The following PEG3 variants were observed in gnomAD, a reference collection of about 807,000 sequenced individuals.
PEG3 encodes paternally expressed 3.
In PEG3, 23 loss-of-function variants were observed where a neutral mutation model predicts 35.5. That is an observed-to-expected ratio of 0.65 (90% CI 0.47 to 0.92). The LOEUF (loss-of-function observed/expected upper bound fraction) is 0.92, where lower values mean the gene tolerates loss of function less well. Among genes scored for constraint, PEG3 ranks in the 40% least tolerant of loss-of-function variants. The pLI, the probability that PEG3 is intolerant of heterozygous loss-of-function variation, is 0.00. For missense variants in PEG3, 1,960 were observed against 1,985.3 expected (o/e 0.99, Z 0.24); for synonymous variants, 707 against 697.0 (o/e 1.01, Z -0.23).
In PEG3 at chr19:56,811,398, T is replaced by C; in HGVS notation, c.*2277A>G. On this transcript the variant is annotated 3_prime_UTR_variant, in exon 10 of 10. Coordinates refer to ENST00000326441, the MANE Select transcript of PEG3 (RefSeq NM_006210.3). ...GTATAAATATACTTTCGTGTCCTGC[T>C]TTCTCCACTTAATGTTCTGTAAATA... 1 of 877,168 alleles carries C rather than the reference T, an allele frequency of 1.1e-6. No homozygotes were observed. The highest frequency in any genetic ancestry group is 1.4e-6 in the Non-Finnish European group (1 of 731,128). 54.3% of individuals were successfully genotyped at this position (877,168 alleles called of 1,614,324 possible).
In PEG3 at chr19:56,816,427, A is replaced by C. The variant is rs749565842; in HGVS notation, c.2015T>G (p.Leu672Arg). 8.1e-6 allele frequency: 13 copies of C among 1,614,048 alleles called. No individual in the cohort carries two copies. Among genetic ancestry groups the C allele is most frequent in the Non-Finnish European group, 1.0e-5 (12 of 1,179,944 alleles). Residue 672 changes from leucine (L) to arginine (R), a missense_variant, in exon 10 of 10, where the codon CTT becomes CGT. This residue lies in a region of PEG3 where 798 missense variants were observed against 782.4 expected (regional missense o/e 1.02). Transcript: ENST00000326441. ...ATTGTAAGTTTTCTGACGCCTTTTA[A>C]GGGACTGACCAGGAATAAAGGTTTC... is the stretch of plus-strand genomic sequence containing the variant. ...CEETFIPGQSLKRRQKTYNKE... is the reference protein window; with the variant it reads ...CEETFIPGQSRKRRQKTYNKE...
intron 2 of PEG3, among the ~76,000 whole-genome samples, chr19:56,830,133 C>A (rs1178919868): frequency 6.6e-6 from 1 of 152,196 alleles, no homozygotes; most frequent in Non-Finnish European, 1.5e-5. Context: ...TGTATTTATA[C>A]CCTACCGCAA....
rs1476912465 is a variant in PEG3, at chr19:56,817,396, C to T, written c.1046G>A (p.Trp349Ter). 1 of 1,614,080 alleles carries T rather than the reference C, an allele frequency of 6.2e-7. No homozygotes were observed. Residue 349 changes from tryptophan (W) to a stop codon, truncating the protein, a stop_gained, in exon 10 of 10, where the codon TGG becomes TAG. Coordinates refer to ENST00000326441, the MANE Select transcript of PEG3 (RefSeq NM_006210.3). LOFTEE classifies it low-confidence loss of function (END_TRUNC). ...CCTCTTGTTCAATGAAATGTCCTTC[C>T]AGTTATCATCTGACATTCTGGGGAA... is the stretch of plus-strand genomic sequence containing the variant. Reference protein sequence around the residue: ...QRFPRMSDDNWKDISLNKRES... With the variant: ...QRFPRMSDDN
intron 7 of PEG3, 28 bp from the exon 8 acceptor site, chr19:56,818,730 T>C (rs2060206594): frequency 6.2e-7 from 1 of 1,603,918 alleles, no homozygotes; most frequent in Admixed American, 1.7e-5. Context: ...GACCTCTCAA[T>C]GGAGTCTGTC....
Position 56,813,610 on chromosome 19 carries a change from G to T in PEG3, c.*65C>A. 6.5e-7 allele frequency: 1 copy of T among 1,534,412 alleles called. No individual in the cohort carries two copies. The highest frequency in any genetic ancestry group is 8.8e-7 in the Non-Finnish European group (1 of 1,138,158). ...ACTGACATTATCATGGATTGGTTTGGATTCTCTGTGGTTTGGTAAGGGTCA... is the reference window on the plus strand; with the variant it reads ...ACTGACATTATCATGGATTGGTTTGTATTCTCTGTGGTTTGGTAAGGGTCA... On this transcript the variant is annotated 3_prime_UTR_variant, in exon 10 of 10. Coordinates refer to ENST00000326441, the MANE Select transcript of PEG3 (RefSeq NM_006210.3).
chr19:56,815,716 G>A lies in PEG3; in HGVS notation c.2726C>T (p.Pro909Leu), dbSNP rs2059918846. Residue 909 changes from proline to leucine, a missense_variant, in exon 10 of 10, where the codon CCT becomes CTT. Coordinates refer to ENST00000326441, the MANE Select transcript of PEG3 (RefSeq NM_006210.3). Reference sequence around the variant, plus strand: ...CTTAAACTCACCAGATCCCTCTCCAGGAACACTTTTCTGAGGTTTGGCACG... The same window carrying A: ...CTTAAACTCACCAGATCCCTCTCCAAGAACACTTTTCTGAGGTTTGGCACG... Reference protein sequence around the residue: ...VFRAKPQKSVPGEGSGEFKKD... With the variant: ...VFRAKPQKSVLGEGSGEFKKD... 1.2e-6 allele frequency: 2 copies of A among 1,614,016 alleles called. No homozygotes were observed. The highest frequency in any genetic ancestry group is 2.7e-5 in the African/African-American group (2 of 74,908).
chr19:56,811,962 C>T lies in PEG3; in HGVS notation c.*1713G>A. 3.0e-6 allele frequency: 3 copies of T among 985,394 alleles called. No individual in the cohort carries two copies. Among genetic ancestry groups the T allele is most frequent in the Non-Finnish European group, 3.6e-6 (3 of 829,924 alleles). 61.0% of individuals were successfully genotyped at this position (985,394 alleles called of 1,614,324 possible). A position where few individuals can be genotyped will look rare whatever the true frequency, so the allele number is the denominator to read the frequency against. ...TTTCTGCTTCTTGCTCTCAGCTCTA[C>T]AATCTTCCTAAACTTTGACACTCCC... is the stretch of plus-strand genomic sequence containing the variant. On this transcript the variant is annotated 3_prime_UTR_variant, in exon 10 of 10. Transcript: ENST00000326441.
At chr19:56,830,369 G>GT (rs1192286683) in intron 2 of PEG3, among the ~76,000 whole-genome samples, 1 of 152,212 alleles carries the variant, frequency 6.6e-6, no homozygotes, top group Non-Finnish European at 1.5e-5. Context: ...CCCACAAGCA[G>GT]TATTTCAAGT....
rs1424907083 is a variant in PEG3, at chr19:56,821,637, A to G, written c.669+14T>C. The G allele has an allele frequency of 6.2e-7, 1 of 1,612,588 alleles. No individual in the cohort carries two copies. ...AAGATGGCCTTTCTAGAAAGAGAGG[A>G]AACCTGAGCATACCTGAGATCGGGA... On this transcript the variant is annotated intron_variant, in intron 7 of 9. Coordinates refer to ENST00000326441, the MANE Select transcript of PEG3 (RefSeq NM_006210.3).
intron 2 of PEG3, among the ~76,000 whole-genome samples, chr19:56,832,053 G>A (rs950262608): frequency 3.9e-5 from 6 of 152,104 alleles, no homozygotes; most frequent in Non-Finnish European, 8.8e-5. Flanking sequence ...ACATAAACTT[G>A]TATTAAGACT....
intron 2 of PEG3, chr19:56,833,720 C>T (rs976008942): frequency 6.3e-6 from 1 of 158,732 alleles, no homozygotes; most frequent in African/African-American, 2.4e-5. Flanking sequence ...AGGAGCTGTT[C>T]TTTGAGAACC....
chr19:56,810,633 G>C lies in PEG3; in HGVS notation c.*3042C>G, dbSNP rs2048071243. 1.1e-6 allele frequency: 1 copy of C among 938,028 alleles called. No individual in the cohort carries two copies. Among genetic ancestry groups the C allele is most frequent in the African/African-American group, 1.8e-5 (1 of 56,342 alleles). 58.1% of individuals were successfully genotyped at this position (938,028 alleles called of 1,614,324 possible). ...TACCAAAACACCAAAGATTATTTAAGGAATTTGAGACAAAATATTTAACCA... is the reference window on the plus strand; with the variant it reads ...TACCAAAACACCAAAGATTATTTAACGAATTTGAGACAAAATATTTAACCA... On this transcript the variant is annotated 3_prime_UTR_variant, in exon 10 of 10. Transcript: ENST00000326441.
rs758125360 is a variant in PEG3, at chr19:56,815,682, G to A, written c.2760C>T (p.Gly920=). 4.9e-5 allele frequency: 79 copies of A among 1,613,940 alleles called. No homozygotes were observed. The East Asian group carries it at 1.4e-3, about 29-fold the overall frequency. ...CATTTGAGCTGGGAACAGAGAATTC[G>A]CCATCCTTCTTAAACTCACCAGATC... ...GEGSGEFKKD[G]EFSVPSSNVR... The change falls in exon 10 of 10, where the codon GGC becomes GGT. Residue 920 remains glycine, a synonymous_variant. Coordinates refer to ENST00000326441, the MANE Select transcript of PEG3 (RefSeq NM_006210.3).
chr19:56,828,753 CAG>C (rs1302225696), intron 2 of PEG3, among the ~76,000 whole-genome samples: 1 of 152,190 alleles, frequency 6.6e-6, no homozygotes, highest in Non-Finnish European at 1.5e-5. Flanking sequence ...CACTAATACA[CAG>C]AGTTCCTAAA....
At position 56,815,909 on chromosome 19, in the gene PEG3, T is replaced by C. The variant is rs2059933858; in HGVS notation, c.2533A>G (p.Arg845Gly). The change falls in exon 10 of 10, where the codon AGA becomes GGA. Residue 845 changes from arginine (R) to glycine (G), a missense_variant. Coordinates refer to ENST00000326441, the MANE Select transcript of PEG3 (RefSeq NM_006210.3). ...ACCAATTCATTTCCATTGTGACTTC[T>C]TGGAGGTTTGGAAGCCACTAAGCTA... ...IHSLVASKPPRSHNGNELVES... is the reference protein window; with the variant it reads ...IHSLVASKPPGSHNGNELVES... 3.1e-6 allele frequency: 5 copies of C among 1,611,280 alleles called. No individual in the cohort carries two copies. The highest frequency in any genetic ancestry group is 3.4e-6 in the Non-Finnish European group (4 of 1,178,450).
chr19:56,812,195 G>A lies in PEG3; in HGVS notation c.*1480C>T. 3.1e-6 allele frequency: 3 copies of A among 981,186 alleles called. No individual in the cohort carries two copies. Among genetic ancestry groups the A allele is most frequent in the African/African-American group, 3.5e-5 (2 of 57,064 alleles). 60.8% of individuals were successfully genotyped at this position (981,186 alleles called of 1,614,324 possible). ...AAAAATTTCTTAATATAGTTATTATGCGAGGGGAGGGGAAGCAAAGGAGCA... is the reference window on the plus strand; with the variant it reads ...AAAAATTTCTTAATATAGTTATTATACGAGGGGAGGGGAAGCAAAGGAGCA... On this transcript the variant is annotated 3_prime_UTR_variant, in exon 10 of 10. Coordinates refer to ENST00000326441, the MANE Select transcript of PEG3 (RefSeq NM_006210.3).
In PEG3 at chr19:56,838,822, G is replaced by C. The variant is rs56976400; in HGVS notation, c.-250+1760C>G. On this transcript the variant is annotated intron_variant, in intron 1 of 9. Transcript: ENST00000326441. Reference sequence around the variant, plus strand: ...CTCCACAGCTTTCCATCACCGCAAGGCAGGCAAGCACAGCAACCGTGGCCC... The same window carrying C: ...CTCCACAGCTTTCCATCACCGCAAGCCAGGCAAGCACAGCAACCGTGGCCC... Among the ~76,000 whole-genome samples the C allele has an allele frequency of 8.0e-3, 1,215 of 152,300 alleles. 26 individuals carry two copies. The highest frequency in any genetic ancestry group is 0.028 in the African/African-American group (1,174 of 41,582).
Position 56,815,818 on chromosome 19 carries a change from A to C in PEG3, c.2624T>G (p.Ile875Ser). Residue 875 changes from isoleucine to serine, a missense_variant, in exon 10 of 10, where the codon ATT becomes AGT. Ile to Ser is a moderately radical substitution (Grantham distance 142, BLOSUM62 -2). This residue lies in a region of PEG3 where 798 missense variants were observed against 782.4 expected (regional missense o/e 1.02). Coordinates refer to ENST00000326441, the MANE Select transcript of PEG3 (RefSeq NM_006210.3). ...ISDLNDKRQK[I>S]PARENPCEGG... is the part of the protein sequence containing the mutation. ...TTCACAAGGGTTCTCTCTGGCAGGA[A>C]TCTTCTGTCGCTTATCATTAAGGTC... is the stretch of plus-strand genomic sequence containing the variant. 6.2e-7 allele frequency: 1 copy of C among 1,613,526 alleles called. No individual in the cohort carries two copies. Among genetic ancestry groups the C allele is most frequent in the Non-Finnish European group, 8.5e-7 (1 of 1,179,564 alleles).
rs758701374 is a variant in PEG3 at position 56,814,019 on chromosome 19, G to T, written c.4423C>A (p.Pro1475Thr). The change falls in exon 10 of 10, where the codon CCA becomes ACA. Residue 1475 changes from proline to threonine, a missense_variant. By Grantham distance (38) the Pro-to-Thr change is conservative. Coordinates refer to ENST00000326441, the MANE Select transcript of PEG3 (RefSeq NM_006210.3). This position sits in a 1 kb window ranked among gnomAD's most constrained non-coding sequence, Gnocchi z 5.8. ...TCAGGCTCGTCGGCATCTCCCTCTG[G>T]CTCTTCAGCTTTTCCCTCTGGCTCT... The part of the protein sequence containing the change: ...AEEPEGKAEE[P>T]EGDADEPDGV... The T allele has an allele frequency of 6.2e-7, 1 of 1,613,226 alleles. No homozygotes were observed. The highest frequency in any genetic ancestry group is 1.1e-5 in the South Asian group (1 of 90,996).
Sources: gnomAD v4.1 joint callset for allele counts (sites outside exome capture counted in the v4.1 genomes callset) on GRCh38, gnomAD v4.1.1 for gene constraint, gnomAD v4.1.1 regional missense constraint, Gnocchi (gnomAD v3.1) non-coding constraint, MANE v1.5 for transcripts, NCBI Gene and HGNC (gene_info 2026-07-23, HGNC 2026-07-21) for gene names.